Variants in DSE observed in about 807,000 individuals in gnomAD.
DSE encodes dermatan sulfate epimerase, also known as dermatan-sulfate epimerase.
A neutral mutation model predicts 84.4 loss-of-function variants in DSE; 36 were observed. That is an observed-to-expected ratio of 0.43 (90% CI 0.33 to 0.56). DSE has a LOEUF of 0.56. Among genes scored for constraint, DSE ranks in the 20% least tolerant of loss-of-function variants. The pLI is 0.06. For synonymous variants in DSE, 410 were observed against 430.1 expected, an observed-to-expected ratio of 0.95 and a Z score of 0.58; for missense variants, 862 against 1,169.6, an observed-to-expected ratio of 0.74 and a Z score of 3.84.
At chr6:116,310,182 C>T (rs193008375) in intron 2 of DSE, among the ~76,000 whole-genome samples, 4 of 152,202 alleles carry the variant, frequency 2.6e-5, no homozygotes, top group Admixed American at 2.6e-4. Context: ...AACTTTGGAA[C>T]CCTACATTCT....
chr6:116,289,803 C>T (rs1450437580), intron 2 of DSE, among the ~76,000 whole-genome samples: 1 of 152,062 alleles, frequency 6.6e-6, no homozygotes, highest in Non-Finnish European at 1.5e-5. Flanking sequence ...TAGCTGAGAA[C>T]TCTGCCTTGT....
At position 116,436,128 on chromosome 6, in the gene DSE, G is replaced by A. The variant is rs755680561; in HGVS notation, c.1660G>A (p.Val554Ile). The change falls in exon 6 of 6, where the codon GTT (valine) becomes ATT (isoleucine). Residue 554 changes from valine (V) to isoleucine (I), a missense_variant. By Grantham distance (29) the Val-to-Ile change is conservative. Transcript: ENST00000644252. The stretch of plus-strand genomic sequence containing the variant: ...TAACCCCCAGCTCAACCTGAAGAAT[G>A]TTCAGAGGAATCTCATCCTCCTACA... ...AYNPQLNLKN[V>I]QRNLILLHPQ... 2.6e-5 allele frequency: 42 copies of A among 1,612,978 alleles called. No homozygotes were observed. The East Asian group carries it at 7.1e-4, about 27-fold the overall frequency.
chr6:116,367,023 C>CA (rs796363745), upstream of DSE: 16 of 152,214 alleles, frequency 1.1e-4, no homozygotes, highest in African/African-American at 3.9e-4. Flanking sequence ...AAACTAAGCC[C>CA]ACGAAGCTTG....
At position 116,342,928 on chromosome 6, in the gene DSE, A is replaced by C. The variant is rs2114825018; in HGVS notation, c.-53-56270A>C. On this transcript the variant is annotated intron_variant, in intron 2 of 3. Coordinates refer to the DSE transcript ENST00000430252. ...AGCCATGACAGATGGTACCTGGAAA[A>C]TCGGGACACTTCCACCCTAATACTG... Among the ~76,000 whole-genome samples, 2 of 152,278 alleles carry C rather than the reference A, an allele frequency of 1.3e-5. 1 individual carries two copies. The highest frequency in any genetic ancestry group is 6.8e-3 in the Middle Eastern group (2 of 294).
intron 2 of DSE, among the ~76,000 whole-genome samples, chr6:116,285,474 T>G (rs972981554): frequency 6.6e-6 from 1 of 152,250 alleles, no homozygotes; most frequent in Non-Finnish European, 1.5e-5. Context: ...GTAGGTTGCC[T>G]ATTCACTCTG....
intron 2 of DSE, among the ~76,000 whole-genome samples, chr6:116,268,181 T>C (rs1473441213): frequency 6.6e-6 from 1 of 152,238 alleles, no homozygotes; most frequent in Non-Finnish European, 1.5e-5. Flanking sequence ...TAAAATATTT[T>C]ATGCCATCTT....
chr6:116,345,969 CAT>C (rs920274749), intron 2 of DSE, among the ~76,000 whole-genome samples: 22 of 152,224 alleles, frequency 1.4e-4, no homozygotes, highest in African/African-American at 5.3e-4. Context: ...TACAAACTAC[CAT>C]CAGAGAATAC....
Position 116,279,451 on chromosome 6 carries a change from C to A in DSE, c.-54+20484C>A, listed in dbSNP as rs141676709. ...ACAGATTTCTAGGGCCTTCTCTCCACCCTGAACGCCCTTTTTCAGGCTGCG... is the reference window on the plus strand; with the variant it reads ...ACAGATTTCTAGGGCCTTCTCTCCAACCTGAACGCCCTTTTTCAGGCTGCG... On this transcript the variant is annotated intron_variant, in intron 2 of 3. Transcript: ENST00000430252. 2.5e-6 allele frequency: 4 copies of A among 1,613,240 alleles called. No homozygotes were observed. In the African/African-American group the frequency reaches 5.3e-5, roughly 22 times the overall value.
chr6:116,320,484 G>A (rs1415567274), intron 2 of DSE, among the ~76,000 whole-genome samples: 11 of 151,732 alleles, frequency 7.2e-5, no homozygotes, highest in African/African-American at 2.4e-4. Context: ...CAAAACAAAG[G>A]AGAGAACAGT....
intron 2 of DSE, among the ~76,000 whole-genome samples, chr6:116,282,843 TAAAG>T (rs1773628386): frequency 2.0e-5 from 3 of 152,164 alleles, no homozygotes; most frequent in Admixed American, 2.0e-4. Context: ...TATTTTTTTT[TAAAG>T]AAAGAATCTT....
intron 2 of DSE, chr6:116,279,963 G>T: frequency 7.6e-7 from 1 of 1,315,172 alleles, no homozygotes; most frequent in Non-Finnish European, 1.1e-6. Context: ...CAGGACTGGA[G>T]ATCTCACGGT....
intron 3 of DSE, among the ~76,000 whole-genome samples, chr6:116,428,447 A>G (rs866261649): frequency 7.2e-5 from 11 of 152,344 alleles, no homozygotes; most frequent in South Asian, 4.1e-4. Context: ...GTCTTTGTAA[A>G]TAACATTATT....
intron 2 of DSE, chr6:116,400,475 A>G (rs1347873231): frequency 6.6e-6 from 1 of 152,200 alleles, no homozygotes; most frequent in Non-Finnish European, 1.5e-5. Flanking sequence ...TCATAGGGCT[A>G]GAGAGAGCTC....
chr6:116,363,730 C>T (rs1779026365), intron 2 of DSE, among the ~76,000 whole-genome samples: 2 of 152,170 alleles, frequency 1.3e-5, no homozygotes, highest in South Asian at 4.1e-4. Context: ...TAAAACAACA[C>T]ATTAAGCTTA....
intron 2 of DSE, chr6:116,279,818 C>G: frequency 6.2e-7 from 1 of 1,613,044 alleles, no homozygotes; most frequent in Non-Finnish European, 8.5e-7. Context: ...TTGACCCCAT[C>G]CAGGCCGCTC....
chr6:116,317,264 A>C (rs1776036733), intron 2 of DSE, among the ~76,000 whole-genome samples: 1 of 152,148 alleles, frequency 6.6e-6, no homozygotes, highest in African/African-American at 2.4e-5. Flanking sequence ...CCTGTGGGAG[A>C]ATGTGGACCT....
intron 2 of DSE, among the ~76,000 whole-genome samples, chr6:116,358,301 T>G (rs1778689839): frequency 6.6e-6 from 1 of 152,234 alleles, no homozygotes; most frequent in South Asian, 2.1e-4. Context: ...GAAAATGTCA[T>G]GTTTGGAGAT....
At chr6:116,263,011 T>G (rs1325005946) in intron 2 of DSE, among the ~76,000 whole-genome samples, 1 of 152,218 alleles carries the variant, frequency 6.6e-6, no homozygotes, top group African/African-American at 2.4e-5. Flanking sequence ...TGGCATTTGC[T>G]GATGAGTGTT....
At chr6:116,291,960 G>A (rs1323524817) in intron 2 of DSE, among the ~76,000 whole-genome samples, 1 of 152,194 alleles carries the variant, frequency 6.6e-6, no homozygotes, top group Non-Finnish European at 1.5e-5. Context: ...TCGGGTTGTA[G>A]TGGGAGGAGA....
Sources: allele counts gnomAD v4.1 joint callset (sites outside exome capture counted in the v4.1 genomes callset), GRCh38; gene constraint gnomAD v4.1.1; transcripts MANE v1.5; gene names NCBI Gene and HGNC (gene_info 2026-07-23, HGNC 2026-07-21).